SLC8A1: variants seen among roughly 807,000 people sequenced by gnomAD.
The protein encoded by SLC8A1 is solute carrier family 8 member A1.
SLC8A1 carries 18 observed loss-of-function variants against 68.3 expected under a neutral mutation model. The ratio of observed to expected loss-of-function variants is 0.26; its 90% CI spans 0.18 to 0.39. The LOEUF is 0.39. SLC8A1 is among the 10% of genes least tolerant of loss of function. SLC8A1 has a pLI of 1.00. For synonymous variants in SLC8A1, 475 were observed against 415.5 expected (o/e 1.14, Z -1.74); for missense variants, 985 against 1,156.7 (o/e 0.85, Z 2.15).
chr2:40,253,315 TACAC>T (rs1296463413), intron 2 of SLC8A1, among the ~76,000 whole-genome samples: 1 of 151,154 alleles, frequency 6.6e-6, no homozygotes, highest in Non-Finnish European at 1.5e-5. Context: ...TACACATATA[TACAC>T]ACACATATAT....
intron 2 of SLC8A1, among the ~76,000 whole-genome samples, chr2:40,311,795 T>C (rs1406466493): frequency 6.6e-6 from 1 of 152,184 alleles, no homozygotes; most frequent in Non-Finnish European, 1.5e-5. Context: ...TTGAATATTG[T>C]GTTTGCAAGA....
chr2:40,260,166 C>T (rs1022894414), intron 2 of SLC8A1, among the ~76,000 whole-genome samples: 1 of 152,216 alleles, frequency 6.6e-6, no homozygotes, highest in Non-Finnish European at 1.5e-5. Flanking sequence ...ACACCCTCCC[C>T]TCCTTTTTTC....
intron 2 of SLC8A1, among the ~76,000 whole-genome samples, chr2:40,333,922 C>G (rs1026984351): frequency 2.1e-4 from 32 of 152,204 alleles, no homozygotes; most frequent in African/African-American, 6.7e-4. Context: ...GTGGTGCACA[C>G]CTGTAATCTC....
At chr2:40,171,482 C>A (rs531845184) in intron 4 of SLC8A1, among the ~76,000 whole-genome samples, 2 of 152,286 alleles carry the variant, frequency 1.3e-5, no homozygotes, top group South Asian at 4.1e-4. Flanking sequence ...TTTATATGGT[C>A]CAGTTTCCCC....
intron 2 of SLC8A1, among the ~76,000 whole-genome samples, chr2:40,269,280 A>G (rs1391445455): frequency 3.3e-5 from 5 of 152,214 alleles, no homozygotes; most frequent in African/African-American, 1.2e-4. Flanking sequence ...ATTAAGATCT[A>G]GCATTCAAAC....
At chr2:40,369,602 T>A (rs1677359601) in intron 2 of SLC8A1, among the ~76,000 whole-genome samples, 1 of 152,142 alleles carries the variant, frequency 6.6e-6, no homozygotes, top group Admixed American at 6.6e-5. Context: ...GGTTGTGGAT[T>A]AGCCAGCTCT....
intron 2 of SLC8A1, among the ~76,000 whole-genome samples, chr2:40,236,378 C>T (rs1051596449): frequency 1.3e-5 from 2 of 152,138 alleles, no homozygotes; most frequent in Admixed American, 6.5e-5. Context: ...CTCTTTTGAT[C>T]TTTGTTGGTT....
chr2:40,128,932 A>T lies in SLC8A1; in HGVS notation c.2437+10469T>A, dbSNP rs114270639. Among the ~76,000 whole-genome samples, 1,057 of 152,322 alleles carry T rather than the reference A, an allele frequency of 6.9e-3. 4 individuals are homozygous for T. Among genetic ancestry groups the T allele is most frequent in the Non-Finnish European group, 0.01 (703 of 68,032 alleles). On this transcript the variant is annotated intron_variant, in intron 7 of 7. Coordinates refer to ENST00000406785, the Ensembl canonical transcript of SLC8A1. ...TTAGTCCTTGTGAAAAATAGAGAAA[A>T]GTCAAACCTATTGAGTCAGAAAGTA...
chr2:40,253,315 T>A (rs1006181774), intron 2 of SLC8A1, among the ~76,000 whole-genome samples: 2 of 151,152 alleles, frequency 1.3e-5, no homozygotes, highest in Admixed American at 1.3e-4. Flanking sequence ...TACACATATA[T>A]ACACACACAT....
intron 2 of SLC8A1, among the ~76,000 whole-genome samples, chr2:40,346,028 C>A (rs1669139653): frequency 9.3e-6 from 1 of 107,338 alleles, no homozygotes; most frequent in South Asian, 3.0e-4. Flanking sequence ...TAAATAAACA[C>A]ACTCATCAAC....
intron 1 of SLC8A1, among the ~76,000 whole-genome samples, chr2:40,483,682 T>A (rs1704783880): frequency 6.6e-6 from 1 of 152,230 alleles, no homozygotes; most frequent in Admixed American, 6.5e-5. Context: ...AAGTCTCATG[T>A]GGCAATTTTC....
intron 2 of SLC8A1, among the ~76,000 whole-genome samples, chr2:40,222,169 G>GATAT (rs367861306): frequency 3.3e-5 from 5 of 150,072 alleles, no homozygotes; most frequent in African/African-American, 9.8e-5. Context: ...TACCAAATTA[G>GATAT]ATATATATAT....
At chr2:40,134,564 TAAC>T (rs2148239680) in intron 7 of SLC8A1, among the ~76,000 whole-genome samples, 1 of 152,342 alleles carries the variant, frequency 6.6e-6, no homozygotes, top group East Asian at 1.9e-4. Context: ...TCAGTGCTTT[TAAC>T]TTTTGTCCCT....
chr2:40,330,597 C>T (rs575873011), intron 2 of SLC8A1, among the ~76,000 whole-genome samples: 1 of 151,956 alleles, frequency 6.6e-6, no homozygotes, highest in African/African-American at 2.4e-5. Flanking sequence ...ACACACACAC[C>T]CATCAATAAA....
intron 2 of SLC8A1, among the ~76,000 whole-genome samples, chr2:40,409,588 C>T (rs1199212411): frequency 2.6e-5 from 4 of 152,130 alleles, no homozygotes; most frequent in African/African-American, 7.2e-5. Flanking sequence ...ACAGCCCAAA[C>T]TGCATCTACT....
rs2071612436 is a variant in SLC8A1, at chr2:40,302,172, C to A, written c.1809-124317G>T. On this transcript the variant is annotated intron_variant, in intron 2 of 7. Coordinates refer to ENST00000406785, the Ensembl canonical transcript of SLC8A1. ...TTAGCCTCCCAGTGTGCTGGGATTA[C>A]AGGTGTGAGCCACTGCACCCAGCCC... 2.6e-5 allele frequency among the ~76,000 whole-genome samples: 4 copies of A among 151,518 alleles called. No homozygotes were observed. In the South Asian group the frequency reaches 8.3e-4, roughly 32 times the overall value.
chr2:40,398,758 G>A (rs2149640743), intron 2 of SLC8A1, among the ~76,000 whole-genome samples: 1 of 152,086 alleles, frequency 6.6e-6, no homozygotes, highest in East Asian at 1.9e-4. Context: ...TTGATATTTA[G>A]CTTGTTTTGA....
chr2:40,258,413 T>A (rs573532429), intron 2 of SLC8A1, among the ~76,000 whole-genome samples: 3 of 152,294 alleles, frequency 2.0e-5, no homozygotes, highest in South Asian at 4.1e-4. Context: ...CTCAGATTGG[T>A]CCTAAAGCTT....
chr2:40,295,713 A>G (rs936060304), intron 2 of SLC8A1, among the ~76,000 whole-genome samples: 2 of 152,208 alleles, frequency 1.3e-5, no homozygotes, highest in African/African-American at 4.8e-5. Flanking sequence ...ACTCCTATAT[A>G]GTGATAATGT....
Sources: gnomAD v4.1 joint callset for allele counts (sites outside exome capture counted in the v4.1 genomes callset) on GRCh38, gnomAD v4.1.1 for gene constraint, MANE v1.5 for transcripts, NCBI Gene and HGNC (gene_info 2026-07-23, HGNC 2026-07-21) for gene names.